Variants in USP42 observed in about 807,000 individuals in gnomAD.
USP42 encodes ubiquitin carboxyl-terminal hydrolase 42.
A neutral mutation model predicts 113.0 loss-of-function variants in USP42; 23 were observed. That is an observed-to-expected ratio of 0.20 (90% CI 0.15 to 0.29). The LOEUF (loss-of-function observed/expected upper bound fraction) is 0.29. USP42 is among the 10% of genes least tolerant of loss of function. The pLI is 1.00. For missense variants in USP42, 2,174 were observed against 1,779.8 expected (o/e 1.22, Z -3.99); for synonymous variants, 933 against 699.0 (o/e 1.33, Z -5.28).
intron 7 of USP42, among the ~76,000 whole-genome samples, chr7:6,141,541 G>C (rs1168216345): frequency 2.0e-5 from 3 of 151,374 alleles, no homozygotes; most frequent in African/African-American, 4.9e-5. Flanking sequence ...TTCTATATTA[G>C]CCAAGTACAG....
intron 3 of USP42, among the ~76,000 whole-genome samples, chr7:6,128,880 G>A (rs1780686196): frequency 6.6e-6 from 1 of 152,016 alleles, no homozygotes; most frequent in South Asian, 2.1e-4. Context: ...GAGTGTGGTT[G>A]CACCATCTCA....
chr7:6,096,348 CAGT>C, the USP42 span, among the ~76,000 whole-genome samples: 1 of 151,068 alleles, frequency 6.6e-6, no homozygotes, highest in Non-Finnish European at 1.5e-5. Context: ...GGGAAAGTGA[CAGT>C]AGGGTTTTAT....
At chr7:6,081,327 A>C in the USP42 span, 2 of 137,170 alleles carry the variant, frequency 1.5e-5, no homozygotes, top group African/African-American at 5.5e-5. Context: ...CTAGATCCCC[A>C]CCGGTCCCCA....
In USP42 at chr7:6,139,341, G is replaced by A. The variant is rs766298505; in HGVS notation, c.656+147G>A. The A allele has an allele frequency of 1.3e-5, 7 of 558,682 alleles. No homozygotes were observed. Among genetic ancestry groups the A allele is most frequent in the African/African-American group, 1.9e-5 (1 of 51,396 alleles). The allele number at this position is 558,682 out of a possible 1,614,324, so 34.6% of individuals were successfully genotyped here. ...TTGGCTTTGCTCTGCCTCTTCCTTA[G>A]GTGATGTGCATTATTTTAAAATGGT... On this transcript the variant is annotated intron_variant, in intron 5 of 17. Transcript: ENST00000306177. The surrounding 1 kb of genome is among the most constrained non-coding windows in gnomAD (Gnocchi z 4.5).
At chr7:6,130,761 A>C (rs937320651) in intron 3 of USP42, among the ~76,000 whole-genome samples, 1 of 152,042 alleles carries the variant, frequency 6.6e-6, no homozygotes, top group Non-Finnish European at 1.5e-5. Flanking sequence ...AGGGGCAGCC[A>C]CAAGAGGAGA....
chr7:6,147,396 G>C (rs972666183), intron 11 of USP42, among the ~76,000 whole-genome samples: 12 of 152,290 alleles, frequency 7.9e-5, no homozygotes, highest in Middle Eastern at 6.8e-3. Flanking sequence ...GTGAGCAATG[G>C]CTGTTCCTCT....
intron 17 of USP42, among the ~76,000 whole-genome samples, chr7:6,160,166 G>A (rs1782691669): frequency 6.6e-6 from 1 of 152,252 alleles, no homozygotes; most frequent in South Asian, 2.1e-4. Context: ...GTCACATGTA[G>A]TCAGCAAGAG....
chr7:6,126,288 C>CTTT (rs56398714), intron 3 of USP42, among the ~76,000 whole-genome samples: 24 of 142,790 alleles, frequency 1.7e-4, no homozygotes, highest in Non-Finnish European at 2.2e-4. Flanking sequence ...GCCACAGTTT[C>CTTT]TTTTTTTTTT....
At position 6,161,060 on chromosome 7, in the gene USP42, T is replaced by A. The variant is rs1440551198; in HGVS notation, c.*542T>A. The A allele has an allele frequency of 2.0e-5, 3 of 152,660 alleles. No homozygotes were observed. Among genetic ancestry groups the A allele is most frequent in the Admixed American group, 6.5e-5 (1 of 15,284 alleles). 9.5% of individuals were successfully genotyped at this position (152,660 alleles called of 1,614,324 possible). On this transcript the variant is annotated 3_prime_UTR_variant, in exon 18 of 18. Transcript: ENST00000306177. The stretch of plus-strand genomic sequence containing the variant: ...TGCTTATTTTAGTTGTATTCAAGAT[T>A]TGAAGATGTATTTTATAGACAAGTT...
intron 1 of USP42, among the ~76,000 whole-genome samples, chr7:6,105,588 C>G (rs1779233602): frequency 1.3e-5 from 2 of 152,116 alleles, no homozygotes; most frequent in South Asian, 2.1e-4. Flanking sequence ...TTGGGCGCCC[C>G]CTCCCCAGGC....
chr7:6,089,514 T>A, the USP42 span, among the ~76,000 whole-genome samples: 1 of 149,798 alleles, frequency 6.7e-6, no homozygotes, highest in Non-Finnish European at 1.5e-5. Context: ...CTGGACCCCG[T>A]CCCTGCTTCA....
rs1322785575 is a variant in USP42 at position 6,161,477 on chromosome 7, G to C, written c.*959G>C. The C allele has an allele frequency of 2.6e-5, 4 of 152,464 alleles. No individual in the cohort carries two copies. The allele number at this position is 152,464 out of a possible 1,614,324, so 9.4% of individuals were successfully genotyped here. A position where few individuals can be genotyped will look rare whatever the true frequency, so the allele number is the denominator to read the frequency against. On this transcript the variant is annotated 3_prime_UTR_variant, in exon 18 of 18. Transcript: ENST00000306177. ...CAGAGATGTTTAAAGTTTGATCTTT[G>C]TTTTTCTAAAGATTAAAAAAGCACT... is the stretch of plus-strand genomic sequence containing the variant.
chr7:6,100,004 C>CTATTTTTTT (rs141280623), upstream of USP42, among the ~76,000 whole-genome samples: 7 of 144,290 alleles, frequency 4.9e-5, no homozygotes, highest in South Asian at 8.6e-4. Flanking sequence ...TTTCACAAGT[C>CTATTTTTTT]TATTATTATT....
At chr7:6,138,566 G>A (rs867679745) in intron 4 of USP42, among the ~76,000 whole-genome samples, 13 of 152,270 alleles carry the variant, frequency 8.5e-5, no homozygotes, top group Middle Eastern at 6.8e-3. Context: ...TAGCTGCTGT[G>A]GACTTTTAAT....
At chr7:6,137,533 G>A (rs1159912854) in intron 4 of USP42, among the ~76,000 whole-genome samples, 1 of 152,078 alleles carries the variant, frequency 6.6e-6, no homozygotes, top group Non-Finnish European at 1.5e-5. Flanking sequence ...TAATTTTGTA[G>A]TTTTAGTAGA....
At position 6,154,663 on chromosome 7, in the gene USP42, T is replaced by G; in HGVS notation, c.3109T>G (p.Tyr1037Asp). Residue 1037 changes from tyrosine to aspartate, a missense_variant, in exon 15 of 18, where the codon TAC becomes GAC. By Grantham distance (160) the Tyr-to-Asp change is radical. Transcript: ENST00000306177. The stretch of plus-strand genomic sequence containing the variant: ...GGAGCTGGACTGGGTCAGACACCAC[T>G]ACACCGAGGGCGAGCGTGGCTGGGG... The part of the protein sequence containing the change: ...GVELDWVRHH[Y>D]TEGERGWGRE... 3 of 1,606,142 alleles carry G rather than the reference T, an allele frequency of 1.9e-6. No homozygotes were observed. Among genetic ancestry groups the G allele is most frequent in the Non-Finnish European group, 2.5e-6 (3 of 1,177,252 alleles).
At chr7:6,113,307 CATGGAG>C (rs1779701666) in intron 2 of USP42, among the ~76,000 whole-genome samples, 2 of 152,096 alleles carry the variant, frequency 1.3e-5, no homozygotes, top group African/African-American at 4.8e-5. Flanking sequence ...GAATGTTGCA[CATGGAG>C]GTGGAAAGTC....
intron 11 of USP42, among the ~76,000 whole-genome samples, chr7:6,146,598 G>A (rs141830844): frequency 3.4e-4 from 51 of 152,122 alleles, no homozygotes; most frequent in African/African-American, 1.1e-3. Context: ...TGGGGAGGCC[G>A]AGGCTGCAGT....
the USP42 span, among the ~76,000 whole-genome samples, chr7:6,090,670 A>T: frequency 6.8e-6 from 1 of 146,680 alleles, no homozygotes. Flanking sequence ...AGCTGGGATC[A>T]TGCCACTGCA....
Sources: gnomAD v4.1 joint callset for allele counts (sites outside exome capture counted in the v4.1 genomes callset) on GRCh38, gnomAD v4.1.1 for gene constraint, Gnocchi (gnomAD v3.1) non-coding constraint, MANE v1.5 for transcripts, NCBI Gene and HGNC (gene_info 2026-07-23, HGNC 2026-07-21) for gene names.